ZNF493: variants seen among roughly 807,000 people sequenced by gnomAD.
The protein encoded by ZNF493 is zinc finger protein 493.
ZNF493 carries 11 observed loss-of-function variants against 12.2 expected under a neutral mutation model. That is an observed-to-expected ratio of 0.90 (90% CI 0.57 to 1.50). The LOEUF (loss-of-function observed/expected upper bound fraction) is 1.50. Among genes scored for constraint, ZNF493 ranks in the 40% most tolerant of loss-of-function variants. ZNF493 has a pLI of 0.00. For missense variants in ZNF493, 950 were observed against 906.6 expected, an observed-to-expected ratio of 1.05 and a Z score of -0.61; for synonymous variants, 286 against 302.6, an observed-to-expected ratio of 0.95 and a Z score of 0.57.
In ZNF493 at chr19:21,424,059, G is replaced by A. The variant is rs1177327049; in HGVS notation, c.1400G>A (p.Gly467Asp). The change falls in exon 4 of 4, where the codon GGC becomes GAC. Residue 467 changes from glycine to aspartate, a missense_variant. Gly to Asp is a moderately conservative substitution (Grantham distance 94). Coordinates refer to ENST00000392288, the MANE Select transcript of ZNF493 (RefSeq NM_001076678.3). Reference protein sequence around the residue: ...EEKPYKCEECGKAFKRSSTLT... With the variant: ...EEKPYKCEECDKAFKRSSTLT... ...AAACCCTACAAATGTGAAGAATGTGGCAAAGCTTTTAAACGATCTTCAACC... is the reference window on the plus strand; with the variant it reads ...AAACCCTACAAATGTGAAGAATGTGACAAAGCTTTTAAACGATCTTCAACC... The A allele has an allele frequency of 6.2e-7, 1 of 1,613,586 alleles. No homozygotes were observed. The highest frequency in any genetic ancestry group is 8.5e-7 in the Non-Finnish European group (1 of 1,179,766).
In ZNF493 at chr19:21,419,992, G is replaced by A. The variant is rs529795966; in HGVS notation, c.254-2921G>A. Among the ~76,000 whole-genome samples the A allele has an allele frequency of 5.9e-5, 9 of 152,238 alleles. No individual in the cohort carries two copies. In the East Asian group the frequency reaches 1.7e-3, roughly 29 times the overall value. ...AATTGACACGGCCACTCCTCTCCCA[G>A]GACAAGGTTTTACCCTCAGGAATTA... On this transcript the variant is annotated intron_variant, in intron 3 of 3. Transcript: ENST00000392288.
intron 1 of ZNF493, among the ~76,000 whole-genome samples, chr19:21,400,195 A>T (rs2029893135): frequency 6.6e-6 from 1 of 152,180 alleles, no homozygotes; most frequent in African/African-American, 2.4e-5. Flanking sequence ...GTAGATCACA[A>T]GGTCAAGAGA....
intron 1 of ZNF493, chr19:21,398,601 T>A: frequency 2.2e-6 from 1 of 446,520 alleles, no homozygotes; most frequent in South Asian, 1.6e-5. Flanking sequence ...TGGTTTATTT[T>A]CTCCCATAAG....
chr19:21,405,901 AAG>A, intron 3 of ZNF493, 45 bp downstream of exon 3: 9 of 574,252 alleles, frequency 1.6e-5, no homozygotes, highest in Non-Finnish European at 2.4e-5. Context: ...GAAAGGTTGA[AAG>A]ATTTAAAAAA....
intron 3 of ZNF493, 87 bp downstream of exon 3, chr19:21,405,943 G>A (rs545267594): frequency 2.4e-5 from 24 of 1,013,222 alleles, no homozygotes; most frequent in Admixed American, 3.2e-5. Flanking sequence ...AGTCCTGGCC[G>A]GGAGCAATGG....
Position 21,426,446 on chromosome 19 carries a change from C to G in ZNF493, c.*1462C>G, listed in dbSNP as rs1599384186. 1 of 167,614 alleles carries G rather than the reference C, an allele frequency of 6.0e-6. No homozygotes were observed. The highest frequency in any genetic ancestry group is 1.5e-5 in the Non-Finnish European group (1 of 68,556). The allele number at this position is 167,614 out of a possible 1,614,324, so 10.4% of individuals were successfully genotyped here. A position where few individuals can be genotyped will look rare whatever the true frequency, so the allele number is the denominator to read the frequency against. On this transcript the variant is annotated 3_prime_UTR_variant, in exon 4 of 4. Transcript: ENST00000392288. ...AAAGCATGATAAGTGCAATTACTGCCAAAAGATCTTTCAGAAAATATTATC... is the reference window on the plus strand; with the variant it reads ...AAAGCATGATAAGTGCAATTACTGCGAAAAGATCTTTCAGAAAATATTATC...
chr19:21,399,407 G>A (rs557086875), intron 1 of ZNF493, among the ~76,000 whole-genome samples: 9 of 151,972 alleles, frequency 5.9e-5, no homozygotes, highest in East Asian at 5.8e-4. Flanking sequence ...TAATCCATCC[G>A]CCTCGGCCTC....
chr19:21,405,857 G>C lies in ZNF493; in HGVS notation c.253+1G>C, dbSNP rs761350180. 2.1e-6 allele frequency: 3 copies of C among 1,454,092 alleles called. No individual in the cohort carries two copies. The highest frequency in any genetic ancestry group is 1.2e-5 in the South Asian group (1 of 80,214). The allele number at this position is 1,454,092 out of a possible 1,614,324, so 90.1% of individuals were successfully genotyped here. ...CACAGTACGGTAGTCAAACCCCCAG[G>C]TAGGTGAGAGTGAATGAAACAGTTG... On this transcript the variant is annotated splice_donor_variant, in intron 3 of 3. Coordinates refer to ENST00000392288, the MANE Select transcript of ZNF493 (RefSeq NM_001076678.3). LOFTEE classifies it high-confidence loss of function.
At chr19:21,399,454 C>A (rs1974226573) in intron 1 of ZNF493, among the ~76,000 whole-genome samples, 1 of 152,130 alleles carries the variant, frequency 6.6e-6, no homozygotes. Context: ...GCCACCATGC[C>A]CGGCCCACAT....
chr19:21,421,252 T>C (rs186102724), intron 3 of ZNF493, among the ~76,000 whole-genome samples: 1 of 152,308 alleles, frequency 6.6e-6, no homozygotes, highest in African/African-American at 2.4e-5. Flanking sequence ...ATGTTTTAAA[T>C]ATTTTTGTTC....
At chr19:21,401,444 A>G (rs1247826268) in intron 1 of ZNF493, among the ~76,000 whole-genome samples, 3 of 152,090 alleles carry the variant, frequency 2.0e-5, no homozygotes, top group African/African-American at 4.8e-5. Context: ...CCAAATTTTC[A>G]TATTAGAATA....
At chr19:21,409,221 T>G (rs989536078) in intron 3 of ZNF493, among the ~76,000 whole-genome samples, 2 of 152,152 alleles carry the variant, frequency 1.3e-5, no homozygotes, top group East Asian at 1.9e-4. Context: ...TTTCAGTGGT[T>G]GTTTTATCTT....
At chr19:21,418,293 T>C (rs980457213) in intron 3 of ZNF493, among the ~76,000 whole-genome samples, 2 of 152,198 alleles carry the variant, frequency 1.3e-5, no homozygotes, top group Admixed American at 1.3e-4. Flanking sequence ...TGTAACCTCT[T>C]CTGTTACTTC....
At chr19:21,413,107 C>A in intron 3 of ZNF493, 1 of 291,626 alleles carries the variant, frequency 3.4e-6, no homozygotes, top group Non-Finnish European at 6.5e-6. Context: ...ATAATGATTC[C>A]ATGGGAATCA....
rs1269560153 is a variant in ZNF493 at position 21,425,003 on chromosome 19, T to G, written c.*19T>G. 13 of 1,578,710 alleles carry G rather than the reference T, an allele frequency of 8.2e-6. No individual in the cohort carries two copies. Among genetic ancestry groups the G allele is most frequent in the Admixed American group, 7.4e-5 (4 of 53,718 alleles). Reference sequence around the variant, plus strand: ...AAAGTGAAGAATGTGGCAAAGGCCTTTACTGCTCCTATTCCCTTACTAAAG... The same window carrying G: ...AAAGTGAAGAATGTGGCAAAGGCCTGTACTGCTCCTATTCCCTTACTAAAG... On this transcript the variant is annotated 3_prime_UTR_variant, in exon 4 of 4. Coordinates refer to ENST00000392288, the MANE Select transcript of ZNF493 (RefSeq NM_001076678.3).
intron 3 of ZNF493, among the ~76,000 whole-genome samples, chr19:21,417,651 T>C (rs749358721): frequency 6.6e-6 from 1 of 152,212 alleles, no homozygotes; most frequent in East Asian, 1.9e-4. Context: ...TAAGCTATTC[T>C]GTGGCATCAT....
chr19:21,410,421 T>C (rs2030286261), intron 3 of ZNF493, among the ~76,000 whole-genome samples: 1 of 152,164 alleles, frequency 6.6e-6, no homozygotes, highest in Admixed American at 6.5e-5. Context: ...GAGGCAATTT[T>C]TTCATTGTTA....
At chr19:21,401,454 A>T (rs2029940300) in intron 1 of ZNF493, among the ~76,000 whole-genome samples, 1 of 151,958 alleles carries the variant, frequency 6.6e-6, no homozygotes. Flanking sequence ...ATATTAGAAT[A>T]ATGCTGTTTT....
intron 3 of ZNF493, chr19:21,412,861 T>C (rs2030368113): frequency 5.5e-6 from 2 of 362,972 alleles, no homozygotes; most frequent in African/African-American, 2.2e-5. Context: ...TTTGATCTTA[T>C]TAAGAACTAT....
Sources: allele counts gnomAD v4.1 joint callset (sites outside exome capture counted in the v4.1 genomes callset), GRCh38; gene constraint gnomAD v4.1.1; transcripts MANE v1.5; gene names NCBI Gene and HGNC (gene_info 2026-07-23, HGNC 2026-07-21).